Variants in NTRK3 observed in about 807,000 individuals in gnomAD.
NTRK3 encodes neurotrophic receptor tyrosine kinase 3.
A neutral mutation model predicts 91.7 loss-of-function variants in NTRK3; 24 were observed. The observed-to-expected ratio is 0.26, with a 90% confidence interval of 0.19 to 0.37. The LOEUF is 0.37. NTRK3 is among the 10% of genes least tolerant of loss of function. NTRK3 has a pLI of 1.00. For missense variants in NTRK3, 880 were observed against 1,068.9 expected (o/e 0.82, Z 2.46); for synonymous variants, 483 against 404.0 (o/e 1.20, Z -2.34).
intron 13 of NTRK3, among the ~76,000 whole-genome samples, chr15:88,117,598 A>G (rs9302344): frequency 1 from 151,939 of 152,366 alleles, 75,757 homozygotes; most frequent in Middle Eastern, 1. Context: ...CTTAGCTTGG[A>G]ATTTAATGCT....
chr15:87,961,638 G>A lies in NTRK3; in HGVS notation c.1586-20885C>T, dbSNP rs555864874. ...GTCTGAAGTGGGCTGCAGTGGCAAG[G>A]CCAATTCCTGAGGGTGCAGTCTGTC... On this transcript the variant is annotated intron_variant, in intron 14 of 18. Coordinates refer to ENST00000394480, the Ensembl canonical transcript of NTRK3. Among the ~76,000 whole-genome samples the A allele has an allele frequency of 2.4e-4, 37 of 152,346 alleles. 1 individual carries two copies. In the East Asian group the frequency reaches 6.4e-3, roughly 26 times the overall value.
chr15:87,942,167 T>C (rs748937460), intron 14 of NTRK3, among the ~76,000 whole-genome samples: 2 of 152,236 alleles, frequency 1.3e-5, no homozygotes, highest in Admixed American at 6.5e-5. Flanking sequence ...GTGTCGCAGA[T>C]GATCTGCCTA....
intron 13 of NTRK3, among the ~76,000 whole-genome samples, chr15:88,087,222 G>A (rs906623385): frequency 6.6e-6 from 1 of 152,242 alleles, no homozygotes; most frequent in Non-Finnish European, 1.5e-5. Context: ...AGTGAGAACA[G>A]TACTGCAGAG....
At chr15:88,026,478 G>C (rs544329771) in intron 14 of NTRK3, among the ~76,000 whole-genome samples, 30 of 152,178 alleles carry the variant, frequency 2.0e-4, no homozygotes, top group African/African-American at 7.0e-4. Flanking sequence ...AGGGATTGAA[G>C]GGTGTGAGGG....
At chr15:87,992,039 T>TG (rs1278451481) in intron 14 of NTRK3, among the ~76,000 whole-genome samples, 1 of 151,974 alleles carries the variant, frequency 6.6e-6, no homozygotes, top group East Asian at 1.9e-4. Context: ...GGCCACTGTT[T>TG]GGGGGCTTCT....
chr15:88,173,933 G>A (rs75522314), intron 5 of NTRK3, among the ~76,000 whole-genome samples: 195 of 152,320 alleles, frequency 1.3e-3, no homozygotes, highest in Non-Finnish European at 2.2e-3. Flanking sequence ...GTAAAATGGG[G>A]ACAACAATGA....
chr15:88,042,278 C>G (rs1158115416), intron 13 of NTRK3, among the ~76,000 whole-genome samples: 1 of 152,168 alleles, frequency 6.6e-6, no homozygotes, highest in African/African-American at 2.4e-5. Context: ...TCCTCAGAGG[C>G]AAACAAAAGA....
chr15:87,970,591 A>G (rs187317437), intron 14 of NTRK3, among the ~76,000 whole-genome samples: 17 of 152,306 alleles, frequency 1.1e-4, no homozygotes, highest in Admixed American at 1.1e-3. Context: ...TTAGAATTGG[A>G]AAGAGGTAGA....
At chr15:87,890,000 C>A (rs555114124) in intron 17 of NTRK3, among the ~76,000 whole-genome samples, 115 of 147,028 alleles carry the variant, frequency 7.8e-4, no homozygotes, top group Non-Finnish European at 3.2e-4. Context: ...TTGATGATCC[C>A]GGGTCACTTG....
chr15:87,874,791 G>A (rs959919212), exon 19 of NTRK3: 5 of 231,618 alleles, frequency 2.2e-5, no homozygotes, highest in Non-Finnish European at 3.4e-5. Flanking sequence ...CCGGCATAAC[G>A]GTCCTCTAGG....
chr15:87,917,994 TG>T (rs1040930586), intron 17 of NTRK3, among the ~76,000 whole-genome samples: 35 of 107,196 alleles, frequency 3.3e-4, no homozygotes, highest in Non-Finnish European at 5.4e-4. Flanking sequence ...ACTGTTTTTT[TG>T]TGTTTTTTTT....
intron 13 of NTRK3, among the ~76,000 whole-genome samples, chr15:88,087,470 T>C (rs555152395): frequency 2.2e-4 from 33 of 152,310 alleles, no homozygotes; most frequent in African/African-American, 7.7e-4. Flanking sequence ...GCCTCATGAA[T>C]TCCGGTCCTT....
At chr15:87,919,207 C>T (rs1044545355) in intron 17 of NTRK3, among the ~76,000 whole-genome samples, 1 of 152,188 alleles carries the variant, frequency 6.6e-6, no homozygotes, top group Non-Finnish European at 1.5e-5. Context: ...TGTCAGGAGT[C>T]ATGGCAGAGA....
At chr15:88,076,914 GA>G (rs2150591829) in intron 13 of NTRK3, among the ~76,000 whole-genome samples, 1 of 152,096 alleles carries the variant, frequency 6.6e-6, no homozygotes, top group Non-Finnish European at 1.5e-5. Context: ...TGAACATGGT[GA>G]AACCCCCACC....
chr15:87,965,558 G>C (rs2072713622), intron 14 of NTRK3, among the ~76,000 whole-genome samples: 1 of 152,160 alleles, frequency 6.6e-6, no homozygotes, highest in Non-Finnish European at 1.5e-5. Context: ...AGACTGTCCA[G>C]CAGGAAGAAC....
At chr15:87,879,087 G>A (rs2065101451) in intron 18 of NTRK3, among the ~76,000 whole-genome samples, 1 of 152,126 alleles carries the variant, frequency 6.6e-6, no homozygotes, top group African/African-American at 2.4e-5. Context: ...AATGTGGTCA[G>A]GCCCCACTGA....
At chr15:87,889,737 T>C (rs1477566049) in intron 17 of NTRK3, among the ~76,000 whole-genome samples, 1 of 152,146 alleles carries the variant, frequency 6.6e-6, no homozygotes, top group Admixed American at 6.5e-5. Flanking sequence ...ACTCAAAGGG[T>C]AGGAGAACCA....
intron 13 of NTRK3, among the ~76,000 whole-genome samples, chr15:88,046,850 G>A (rs149522997): frequency 7.9e-4 from 121 of 152,302 alleles, no homozygotes; most frequent in African/African-American, 2.9e-3. Flanking sequence ...GGAATGGCGA[G>A]GGTACAGAGG....
At chr15:88,215,111 T>A (rs541878083) in intron 3 of NTRK3, among the ~76,000 whole-genome samples, 1 of 152,342 alleles carries the variant, frequency 6.6e-6, no homozygotes, top group Admixed American at 6.5e-5. Context: ...CCTCCTACCC[T>A]ATGTGTCTGG....
Sources: gnomAD v4.1 joint callset for allele counts (sites outside exome capture counted in the v4.1 genomes callset) on GRCh38, gnomAD v4.1.1 for gene constraint, MANE v1.5 for transcripts, NCBI Gene and HGNC (gene_info 2026-07-23, HGNC 2026-07-21) for gene names.